The following CS variants were observed in gnomAD, a reference collection of about 807,000 sequenced individuals.
CS encodes the protein citrate synthase.
In CS, 13 loss-of-function variants were observed where a neutral mutation model predicts 61.4. The observed-to-expected ratio is 0.21, with a 90% CI of 0.14 to 0.34. The LOEUF (loss-of-function observed/expected upper bound fraction) is 0.34. CS is among the 10% of genes least tolerant of loss of function. The pLI is 1.00. For synonymous variants in CS, 159 were observed against 215.2 expected (o/e 0.74, Z 2.29); for missense variants, 278 against 573.4 (o/e 0.48, Z 5.26).
intron 6 of CS, among the ~76,000 whole-genome samples, chr12:56,278,810 G>T (rs1408459610): frequency 6.6e-6 from 1 of 151,904 alleles, no homozygotes; most frequent in African/African-American, 2.4e-5. Flanking sequence ...GTCTCGCTCT[G>T]TCACCCAGGC....
intron 6 of CS, among the ~76,000 whole-genome samples, chr12:56,276,918 A>T (rs1164496706): frequency 2.6e-5 from 4 of 152,138 alleles, no homozygotes; most frequent in Non-Finnish European, 5.9e-5. Flanking sequence ...CAGGTTTTAC[A>T]GCCAGACACG....
chr12:56,284,697 C>T (rs1872884807), intron 3 of CS, among the ~76,000 whole-genome samples: 1 of 50 alleles, frequency 0.02, no homozygotes, highest in Non-Finnish European at 0.05. Context: ...GTCAGGATAT[C>T]GAGACATCCT....
chr12:56,286,683 C>G (rs773358753), intron 1 of CS, 38 bp from the exon 2 acceptor site: 1 of 1,573,632 alleles, frequency 6.4e-7, no homozygotes, highest in South Asian at 1.1e-5. Context: ...TAACTGTTAC[C>G]CCTCCCTCTT....
chr12:56,276,084 G>A lies in CS; in HGVS notation c.700C>T (p.Leu234=). The A allele has an allele frequency of 2.5e-6, 4 of 1,614,148 alleles. No individual in the cohort carries two copies. Among genetic ancestry groups the A allele is most frequent in the Non-Finnish European group, 3.4e-6 (4 of 1,180,014 alleles). The change falls in exon 7 of 11, where the codon CTG becomes TTG. Residue 234 remains leucine, a synonymous_variant. Transcript: ENST00000351328. ...GSGIGAIDSN[L]DWSHNFTNML... is the part of the protein sequence containing the mutation. ...TTGGTGAAATTGTGAGACCAGTCCA[G>A]GTTAGAGTCAATGGCCCCAATACCG...
intron 1 of CS, chr12:56,291,108 G>C (rs1873110570): frequency 2.1e-6 from 1 of 473,158 alleles, no homozygotes. Flanking sequence ...TTTCAGAGTA[G>C]TTAAGTAAAC....
chr12:56,292,702 G>A (rs1243231442), intron 1 of CS, among the ~76,000 whole-genome samples: 17 of 145,148 alleles, frequency 1.2e-4, no homozygotes, highest in African/African-American at 4.4e-4. Flanking sequence ...GGCTAACAGG[G>A]TGAAACCCCA....
chr12:56,279,762 T>C (rs1872718903), intron 6 of CS, among the ~76,000 whole-genome samples: 1 of 142,896 alleles, frequency 7.0e-6, no homozygotes, highest in Admixed American at 7.2e-5. Flanking sequence ...CGAGACTCCA[T>C]CTCAAAAAAA....
chr12:56,286,178 G>T lies in CS; in HGVS notation c.94-155C>A. ...GCACAAATGAGGGTAAAAGAATTAG[G>T]CAGGGGGAAGAAGGAATGAGGAGTT... On this transcript the variant is annotated intron_variant, in intron 2 of 10. Coordinates refer to ENST00000351328, the MANE Select transcript of CS (RefSeq NM_004077.3). 4.9e-6 allele frequency: 3 copies of T among 617,810 alleles called. No individual in the cohort carries two copies. The South Asian group carries it at 5.9e-5, about 12-fold the overall frequency. 38.3% of individuals were successfully genotyped at this position (617,810 alleles called of 1,614,324 possible).
chr12:56,280,418 AAAAAAAC>A lies in CS; in HGVS notation c.588+1995_588+2001del, dbSNP rs1451485499. On this transcript the variant is annotated intron_variant, in intron 6 of 10. Coordinates refer to ENST00000351328, the MANE Select transcript of CS (RefSeq NM_004077.3). ...TGACAGTGCAAGACACCGTCTCCCA[AAAAAAAC>A]AAAAAAAAAAAACAAAAAAATTAGC... 2.6e-4 allele frequency among the ~76,000 whole-genome samples: 26 copies of A among 98,890 alleles called. 2 individuals carry two copies. The highest frequency in any genetic ancestry group is 9.0e-4 in the Admixed American group (9 of 9,954). The allele number at this position is 98,890 out of a possible 152,430, so 64.9% of individuals were successfully genotyped here. A position where few individuals can be genotyped will look rare whatever the true frequency, so the allele number is the denominator to read the frequency against.
chr12:56,289,509 C>T (rs1873049225), intron 1 of CS, among the ~76,000 whole-genome samples: 1 of 151,878 alleles, frequency 6.6e-6, no homozygotes, highest in Admixed American at 6.6e-5. Flanking sequence ...GTGGTGCGAT[C>T]TCAGCTCACT....
intron 6 of CS, among the ~76,000 whole-genome samples, chr12:56,277,924 C>T (rs960365918): frequency 1.2e-4 from 18 of 152,034 alleles, no homozygotes; most frequent in African/African-American, 4.1e-4. Flanking sequence ...CCACCGCACC[C>T]GGCCGAGGCT....
In CS at chr12:56,285,800, C is replaced by G. The variant is rs1229490820; in HGVS notation, c.201+116G>C. 4 of 817,534 alleles carry G rather than the reference C, an allele frequency of 4.9e-6. No homozygotes were observed. The Admixed American group carries it at 7.6e-5, about 16-fold the overall frequency. The allele number at this position is 817,534 out of a possible 1,614,324, so 50.6% of individuals were successfully genotyped here. On this transcript the variant is annotated intron_variant, in intron 3 of 10. Transcript: ENST00000351328. Reference sequence around the variant, plus strand: ...AGGATGGGGAAAAGTCATCCTAAAGCTGTCCTACAGGGCCTATGGGACAGA... The same window carrying G: ...AGGATGGGGAAAAGTCATCCTAAAGGTGTCCTACAGGGCCTATGGGACAGA...
At chr12:56,277,654 G>A (rs1227972234) in intron 6 of CS, among the ~76,000 whole-genome samples, 2 of 129,704 alleles carry the variant, frequency 1.5e-5, no homozygotes, top group African/African-American at 2.9e-5. Flanking sequence ...TTTTTGAGAT[G>A]GATTCTCGCT....
rs1397903186 is a variant in CS, at chr12:56,275,932, G to A, written c.788+64C>T. 2.1e-6 allele frequency: 3 copies of A among 1,401,076 alleles called. No homozygotes were observed. The East Asian group carries it at 6.8e-5, about 32-fold the overall frequency. The allele number at this position is 1,401,076 out of a possible 1,614,324, so 86.8% of individuals were successfully genotyped here. On this transcript the variant is annotated intron_variant, in intron 7 of 10. Coordinates refer to ENST00000351328, the MANE Select transcript of CS (RefSeq NM_004077.3). The stretch of plus-strand genomic sequence containing the variant: ...TCTCAGAAGATGAGAACATAAAGGA[G>A]CTTTTAAAAAAATTTCCCACCAATT...
intron 6 of CS, among the ~76,000 whole-genome samples, chr12:56,281,626 T>C (rs984643605): frequency 7.9e-5 from 12 of 152,252 alleles, no homozygotes; most frequent in Non-Finnish European, 1.5e-4. Context: ...GACTGCTCTG[T>C]GAAACCTTCC....
chr12:56,280,698 G>A (rs1872756135), intron 6 of CS, among the ~76,000 whole-genome samples: 1 of 151,884 alleles, frequency 6.6e-6, no homozygotes, highest in African/African-American at 2.4e-5. Flanking sequence ...GGGTGACACA[G>A]CGAGACTCCA....
Position 56,282,624 on chromosome 12 carries a change from C to T in CS, c.400-16G>A. 6.3e-7 allele frequency: 1 copy of T among 1,597,968 alleles called. No homozygotes were observed. The highest frequency in any genetic ancestry group is 8.5e-7 in the Non-Finnish European group (1 of 1,172,316). ...GCCAAGATACCTGTGGAAAAAGAGA[C>T]AGTGCTCAGAACACCAGCAAGGACA... On this transcript the variant is annotated splice_polypyrimidine_tract_variant and intron_variant, in intron 5 of 10. Transcript: ENST00000351328.
chr12:56,283,880 GA>G (rs760421792), intron 3 of CS, 23 bp from the exon 4 acceptor site: 1,625 of 1,379,332 alleles, frequency 1.2e-3, no homozygotes, highest in Admixed American at 1.5e-3. Context: ...AAGAAAGAAG[GA>G]AAAAAAAAAG....
In CS at chr12:56,274,758, G is replaced by T; in HGVS notation, c.1020+19C>A. On this transcript the variant is annotated intron_variant, in intron 9 of 10. Coordinates refer to ENST00000351328, the MANE Select transcript of CS (RefSeq NM_004077.3). Reference sequence around the variant, plus strand: ...TTGTGTCTTGGTTTCTTTCCTAGTCGTTAAGCATCTCTGCTTACCCGTCCT... The same window carrying T: ...TTGTGTCTTGGTTTCTTTCCTAGTCTTTAAGCATCTCTGCTTACCCGTCCT... The T allele has an allele frequency of 6.6e-7, 1 of 1,504,316 alleles. No individual in the cohort carries two copies. The highest frequency in any genetic ancestry group is 1.4e-5 in the African/African-American group (1 of 71,068). 93.2% of individuals were successfully genotyped at this position (1,504,316 alleles called of 1,614,324 possible).
Sources: allele counts gnomAD v4.1 joint callset (sites outside exome capture counted in the v4.1 genomes callset), GRCh38; gene constraint gnomAD v4.1.1; transcripts MANE v1.5; gene names NCBI Gene and HGNC (gene_info 2026-07-23, HGNC 2026-07-21).